TRIM29: variants seen among roughly 807,000 people sequenced by gnomAD.
TRIM29 encodes tripartite motif containing 29, also known as tripartite motif-containing protein 29.
In TRIM29, 52 loss-of-function variants were observed where a neutral mutation model predicts 57.3. The ratio of observed to expected loss-of-function variants is 0.91; its 90% CI spans 0.73 to 1.14. TRIM29 has a LOEUF of 1.14. Among genes scored for constraint, TRIM29 ranks in the 50% most tolerant of loss-of-function variants. TRIM29 has a pLI of 0.00. For synonymous variants in TRIM29, 319 were observed against 316.9 expected (o/e 1.01, Z -0.07); for missense variants, 753 against 774.6 (o/e 0.97, Z 0.33).
At chr11:120,135,803 G>A (rs1322062042) in intron 1 of TRIM29, among the ~76,000 whole-genome samples, 2 of 152,134 alleles carry the variant, frequency 1.3e-5, no homozygotes, top group Non-Finnish European at 2.9e-5. Flanking sequence ...GGCTGGGCAG[G>A]AAGGAATCCT....
At chr11:120,114,022 G>A (rs116436817) in intron 8 of TRIM29, among the ~76,000 whole-genome samples, 209 of 152,174 alleles carry the variant, frequency 1.4e-3, no homozygotes, top group African/African-American at 4.7e-3. Context: ...GAGGCACAAA[G>A]GAATCATTTT....
intron 1 of TRIM29, among the ~76,000 whole-genome samples, chr11:120,130,995 T>G (rs1437808527): frequency 1.3e-5 from 2 of 152,084 alleles, no homozygotes; most frequent in Non-Finnish European, 2.9e-5. Flanking sequence ...GACACTGGGC[T>G]GAATGCAAGA....
At chr11:120,129,501 C>A (rs146826131) in intron 1 of TRIM29, among the ~76,000 whole-genome samples, 2 of 152,208 alleles carry the variant, frequency 1.3e-5, no homozygotes, top group South Asian at 4.1e-4. Context: ...CAGAGTCCCA[C>A]CCCTTTCTCT....
At chr11:120,113,286 T>C (rs541304324) in intron 8 of TRIM29, among the ~76,000 whole-genome samples, 1 of 152,272 alleles carries the variant, frequency 6.6e-6, no homozygotes, top group South Asian at 2.1e-4. Flanking sequence ...CCATGTATTG[T>C]ATCTCCCAGT....
At position 120,112,418 on chromosome 11, in the gene TRIM29, G is replaced by A; in HGVS notation, c.1763C>T (p.Pro588Leu). 2.5e-6 allele frequency: 4 copies of A among 1,613,560 alleles called. No individual in the cohort carries two copies. The highest frequency in any genetic ancestry group is 3.4e-6 in the Non-Finnish European group (4 of 1,179,736). The change falls in exon 9 of 9, where the codon CCA becomes CTA. Residue 588 changes from proline (P) to leucine (L), a missense_variant. Transcript: ENST00000341846. ...CTCGTTCCTTCCGCCAGGAGCTCAT[G>A]GGGCTTCGTTGGACCCAATCCCGTT... ...KGNGIGSNEA[P>L]
At chr11:120,123,292 T>A (rs1715071408) in intron 4 of TRIM29, 1 of 676,680 alleles carries the variant, frequency 1.5e-6, no homozygotes, top group Non-Finnish European at 2.7e-6. Flanking sequence ...ACTAAGCCCT[T>A]GTAAATACGA....
intron 3 of TRIM29, among the ~76,000 whole-genome samples, 178 bp downstream of exon 3, chr11:120,127,158 A>C (rs148423760): frequency 1.3e-5 from 2 of 152,282 alleles, no homozygotes; most frequent in East Asian, 3.9e-4. Context: ...AATTAAACAG[A>C]GAGAATGGCG....
Position 120,118,237 on chromosome 11 carries a change from G to A in TRIM29, c.1613C>T (p.Ser538Phe). The A allele has an allele frequency of 6.2e-7, 1 of 1,614,050 alleles. No individual in the cohort carries two copies. The highest frequency in any genetic ancestry group is 1.3e-5 in the African/African-American group (1 of 75,046). ...NDLPVVQGSS[S>F]FSLKGYPSLM... is the part of the protein sequence containing the mutation. ...GGCAAGCTCACCTTTCAGGGAGAAGGAGGAGCTGCCTTGGACGACGGGCAG... is the reference window on the plus strand; with the variant it reads ...GGCAAGCTCACCTTTCAGGGAGAAGAAGGAGCTGCCTTGGACGACGGGCAG... The change falls in exon 7 of 9, where the codon TCC becomes TTC. Residue 538 changes from serine to phenylalanine, a missense_variant. Coordinates refer to ENST00000341846, the MANE Select transcript of TRIM29 (RefSeq NM_012101.4).
intron 1 of TRIM29, among the ~76,000 whole-genome samples, chr11:120,136,093 C>G (rs1863808860): frequency 6.6e-6 from 1 of 152,224 alleles, no homozygotes; most frequent in South Asian, 2.1e-4. Flanking sequence ...TGCAAACACA[C>G]TTACGTATCA....
intron 5 of TRIM29, chr11:120,121,610 C>T (rs1396353338): frequency 8.1e-5 from 14 of 173,826 alleles, no homozygotes; most frequent in Admixed American, 7.2e-4. Flanking sequence ...GGGAAGTCTC[C>T]CAGCATGTGA....
At chr11:120,115,514 G>A (rs1170934886) in intron 7 of TRIM29, 100 bp from the exon 8 acceptor site, 4 of 1,005,862 alleles carry the variant, frequency 4.0e-6, no homozygotes, top group Non-Finnish European at 5.9e-6. Flanking sequence ...TGACCACCAA[G>A]CATCATCCAG....
chr11:120,126,044 G>C, intron 3 of TRIM29, 155 bp from the exon 4 acceptor site: 1 of 771,866 alleles, frequency 1.3e-6, no homozygotes, highest in Non-Finnish European at 2.0e-6. Context: ...ACATGAAAAG[G>C]TTCAACTAAA....
intron 1 of TRIM29, among the ~76,000 whole-genome samples, chr11:120,131,413 G>A (rs1369984291): frequency 6.6e-6 from 1 of 152,144 alleles, no homozygotes; most frequent in Non-Finnish European, 1.5e-5. Context: ...GAGGGGTGGA[G>A]AGTAGAGCCA....
intron 5 of TRIM29, among the ~76,000 whole-genome samples, chr11:120,122,376 G>C (rs1454557280): frequency 6.6e-6 from 1 of 152,148 alleles, no homozygotes; most frequent in Non-Finnish European, 1.5e-5. Flanking sequence ...CCACCACAGG[G>C]CAAGGACAGG....
chr11:120,114,341 G>A (rs1863213007), intron 8 of TRIM29, among the ~76,000 whole-genome samples: 1 of 152,176 alleles, frequency 6.6e-6, no homozygotes, highest in Admixed American at 6.5e-5. Context: ...CAATGCCCCT[G>A]AGTCCAGCTC....
chr11:120,112,194 A>G lies in TRIM29; in HGVS notation c.*220T>C. On this transcript the variant is annotated 3_prime_UTR_variant, in exon 9 of 9. Transcript: ENST00000341846. ...TCTGAGCACAGGAATGATGGTGACC[A>G]TCTGAGGTCACAAGGCAGGAAAGGA... 1.9e-6 allele frequency: 1 copy of G among 526,084 alleles called. No homozygotes were observed. Among genetic ancestry groups the G allele is most frequent in the Non-Finnish European group, 3.4e-6 (1 of 293,620 alleles). The allele number at this position is 526,084 out of a possible 1,614,324, so 32.6% of individuals were successfully genotyped here.
chr11:120,127,482 C>T lies in TRIM29; in HGVS notation c.988G>A (p.Ala330Thr). ...DLEKQKEEVR[A>T]ALEQREQDAV... ...TCCTGCTCCCGCTGCTCCAGCGCAG[C>T]CCTCACTTCCTCCTTTTGCTTCTCC... Residue 330 changes from alanine (A) to threonine (T), a missense_variant, in exon 3 of 9, where the codon GCT becomes ACT. Transcript: ENST00000341846. 6.2e-7 allele frequency: 1 copy of T among 1,614,222 alleles called. No individual in the cohort carries two copies. The highest frequency in any genetic ancestry group is 2.2e-5 in the East Asian group (1 of 44,882).
chr11:120,128,310 C>G, intron 2 of TRIM29, 90 bp downstream of exon 2: 1 of 1,116,216 alleles, frequency 9.0e-7, no homozygotes, highest in Non-Finnish European at 1.3e-6. Flanking sequence ...CTACGTGGGC[C>G]TGGGACTCAA....
chr11:120,128,400 C>T lies in TRIM29; in HGVS notation c.900G>A (p.Lys300=). ...CAAGGTGAGCTTGGGGGCTGCTCAC[C>T]TTGATGCGGTCCTTCTCCTTCTGCC... ...EKWQKEKDRI[K]SFTTNEKAIL... Residue 300 remains lysine (K), a splice_region_variant and synonymous_variant, in exon 2 of 9, where the codon AAG becomes AAA. Coordinates refer to ENST00000341846, the MANE Select transcript of TRIM29 (RefSeq NM_012101.4). 1 of 1,611,448 alleles carries T rather than the reference C, an allele frequency of 6.2e-7. No homozygotes were observed. The highest frequency in any genetic ancestry group is 8.5e-7 in the Non-Finnish European group (1 of 1,179,990).
Sources: gnomAD v4.1 joint callset for allele counts (sites outside exome capture counted in the v4.1 genomes callset) on GRCh38, gnomAD v4.1.1 for gene constraint, MANE v1.5 for transcripts, NCBI Gene and HGNC (gene_info 2026-07-23, HGNC 2026-07-21) for gene names.